The following CD36 variants were observed in gnomAD, a reference collection of about 807,000 sequenced individuals.
CD36 encodes the protein platelet glycoprotein 4.
CD36 carries 119 observed loss-of-function variants against 55.2 expected under a neutral mutation model. The ratio of observed to expected loss-of-function variants is 2.15; its 90% CI spans 1.86 to 2.51. CD36 has a LOEUF of 2.51. CD36 is among the 30% of genes most tolerant of loss of function. CD36 has a pLI of 0.00. For missense variants in CD36, 819 were observed against 555.5 expected (o/e 1.47, Z -4.77); for synonymous variants, 186 against 193.6 (o/e 0.96, Z 0.33).
upstream of CD36, among the ~76,000 whole-genome samples, chr7:80,637,469 A>T (rs1448821316): frequency 1.3e-5 from 2 of 152,072 alleles, no homozygotes; most frequent in Non-Finnish European, 2.9e-5. Flanking sequence ...AAAAAAAAGT[A>T]ATAGACTTAC....
intron 1 of CD36, among the ~76,000 whole-genome samples, chr7:80,644,432 A>G (rs916671909): frequency 1.3e-5 from 2 of 152,206 alleles, no homozygotes; most frequent in African/African-American, 2.4e-5. Context: ...ATTGCATCCT[A>G]TGGTTTATAC....
At chr7:80,644,010 C>T (rs755078595) in intron 1 of CD36, among the ~76,000 whole-genome samples, 9 of 152,154 alleles carry the variant, frequency 5.9e-5, no homozygotes, top group Non-Finnish European at 8.8e-5. Flanking sequence ...ACATACAGAA[C>T]ACCAGCATGA....
chr7:80,611,185 G>A (rs983518178), intron 1 of CD36, among the ~76,000 whole-genome samples: 9 of 152,120 alleles, frequency 5.9e-5, no homozygotes, highest in Non-Finnish European at 1.5e-5. Context: ...GCCCTGCCTT[G>A]AACAAAATTA....
rs1562791681 is a variant in CD36 at position 80,646,760 on chromosome 7, GT to G, written c.21del (p.Cys7TrpfsTer20). 1.2e-6 allele frequency: 2 copies of G among 1,614,012 alleles called. No individual in the cohort carries two copies. The highest frequency in any genetic ancestry group is 3.3e-5 in the Admixed American group (2 of 60,010). On this transcript the variant is annotated frameshift_variant, in exon 3 of 15. Coordinates refer to ENST00000447544, the MANE Select transcript of CD36 (RefSeq NM_001001548.3). LOFTEE classifies it high-confidence loss of function. MGCDRN[C>X]GLIAGAVIGA... Reference sequence around the variant, plus strand: ...AGAAAAATGGGCTGTGACCGGAACTGTGGGCTCATCGCTGGGGCTGTCATTG... The same window carrying G: ...AGAAAAATGGGCTGTGACCGGAACTGGGGCTCATCGCTGGGGCTGTCATTG...
chr7:80,633,821 T>C (rs1172412653), upstream of CD36, among the ~76,000 whole-genome samples: 1 of 152,044 alleles, frequency 6.6e-6, no homozygotes, highest in Non-Finnish European at 1.5e-5. Flanking sequence ...TGTTGCCTGG[T>C]TTTACATTGG....
chr7:80,654,413 T>C (rs938825480), intron 3 of CD36, among the ~76,000 whole-genome samples: 3 of 152,184 alleles, frequency 2.0e-5, no homozygotes, highest in African/African-American at 7.2e-5. Flanking sequence ...GGTATTGTTT[T>C]TGAGCATTAA....
chr7:80,651,243 G>A (rs1014144190), intron 3 of CD36, among the ~76,000 whole-genome samples: 4 of 152,030 alleles, frequency 2.6e-5, no homozygotes, highest in African/African-American at 9.7e-5. Context: ...TCGAGGGTGG[G>A]AAGGGGGAGG....
intron 3 of CD36, among the ~76,000 whole-genome samples, chr7:80,652,175 T>C (rs1361176994): frequency 6.6e-6 from 1 of 152,178 alleles, no homozygotes; most frequent in African/African-American, 2.4e-5. Flanking sequence ...TATATGTGCA[T>C]ATAGCTGTAA....
chr7:80,672,086 A>G (rs1425882570), intron 11 of CD36, 46 bp downstream of exon 11: 2 of 1,391,206 alleles, frequency 1.4e-6, no homozygotes, highest in South Asian at 2.4e-5. Context: ...ATTTTTAAAA[A>G]TACAATTGAA....
rs149178142 is a variant in CD36, at chr7:80,666,487, C to T, written c.746C>T (p.Thr249Ile). The change falls in exon 8 of 15, where the codon ACA becomes ATA. Residue 249 changes from threonine to isoleucine, a missense_variant and splice_region_variant. Transcript: ENST00000447544. ...WESHCDMING[T>I]DAASFPPFVE... ...AGTCACTGCGACATGATTAATGGTA[C>T]AGGTAAGAATATTTGTTTTGTGGTC... 5.0e-6 allele frequency: 8 copies of T among 1,605,446 alleles called. No homozygotes were observed. The South Asian group carries it at 5.5e-5, about 11-fold the overall frequency.
intron 10 of CD36, 37 bp from the exon 11 acceptor site, chr7:80,671,885 T>C (rs751367472): frequency 2.9e-5 from 46 of 1,591,978 alleles, no homozygotes; most frequent in Admixed American, 6.7e-5. Flanking sequence ...ATGAAGGAAG[T>C]TATTAATTCC....
At chr7:80,645,687 T>C (rs1795116595) in intron 1 of CD36, among the ~76,000 whole-genome samples, 1 of 152,040 alleles carries the variant, frequency 6.6e-6, no homozygotes, top group African/African-American at 2.4e-5. Flanking sequence ...GATTGACAAA[T>C]ATATACTAAC....
chr7:80,654,465 T>A (rs2116541062), intron 3 of CD36, among the ~76,000 whole-genome samples: 1 of 152,292 alleles, frequency 6.6e-6, no homozygotes, highest in East Asian at 1.9e-4. Context: ...TGTTTGTGTG[T>A]TCTCCCTTGT....
chr7:80,616,312 AATT>A (rs949644520), intron 1 of CD36, among the ~76,000 whole-genome samples: 1 of 152,090 alleles, frequency 6.6e-6, no homozygotes, highest in African/African-American at 2.4e-5. Context: ...TATGTCATGT[AATT>A]AATCAAATCT....
chr7:80,637,672 T>G (rs2116238115), upstream of CD36, among the ~76,000 whole-genome samples: 1 of 152,082 alleles, frequency 6.6e-6, no homozygotes, highest in African/African-American at 2.4e-5. Flanking sequence ...TAAGGACTGG[T>G]TTAAATATGA....
intron 8 of CD36, 123 bp from the exon 9 acceptor site, chr7:80,669,830 G>T: frequency 1.3e-6 from 1 of 768,668 alleles, no homozygotes; most frequent in Non-Finnish European, 2.4e-6. Context: ...AAATGTGGCT[G>T]CTAGATAAAT....
rs371865379 is a variant in CD36, at chr7:80,661,029, A to G, written c.282-34A>G. On this transcript the variant is annotated intron_variant, in intron 4 of 14. Transcript: ENST00000447544. ...GAGATCTAATGTTCACATATGACAA[A>G]TGTTTTGAATTTTGTTTACTGCTAT... 2.5e-5 allele frequency: 38 copies of G among 1,507,844 alleles called. No individual in the cohort carries two copies. In the African/African-American group the frequency reaches 3.6e-4, roughly 14 times the overall value. The allele number at this position is 1,507,844 out of a possible 1,614,324, so 93.4% of individuals were successfully genotyped here.
upstream of CD36, among the ~76,000 whole-genome samples, chr7:80,634,355 GCTT>G (rs1794261689): frequency 6.6e-6 from 1 of 151,846 alleles, no homozygotes; most frequent in Admixed American, 6.6e-5. Context: ...ATACTAAAAT[GCTT>G]CTTTTCATTT....
chr7:80,673,272 T>C lies in CD36; in HGVS notation c.1200-83T>C, dbSNP rs1006510053. 7 of 673,564 alleles carry C rather than the reference T, an allele frequency of 1.0e-5. 1 individual carries two copies. The Admixed American group carries it at 1.9e-4, about 18-fold the overall frequency. The allele number at this position is 673,564 out of a possible 1,614,324, so 41.7% of individuals were successfully genotyped here. A position where few individuals can be genotyped will look rare whatever the true frequency, so the allele number is the denominator to read the frequency against. On this transcript the variant is annotated intron_variant, in intron 12 of 14. Transcript: ENST00000447544. ...ACAAAATCAAATTAGCAACAGCAAC[T>C]AATTTATGAACATTTATTTTAAAGT...
Sources: allele counts gnomAD v4.1 joint callset (sites outside exome capture counted in the v4.1 genomes callset), GRCh38; gene constraint gnomAD v4.1.1; transcripts MANE v1.5; gene names NCBI Gene and HGNC (gene_info 2026-07-23, HGNC 2026-07-21).